Variants in CTNNA3 observed in about 807,000 individuals in gnomAD.
The protein encoded by CTNNA3 is catenin alpha 3.
Under a neutral mutation model 95.7 loss-of-function variants are expected in CTNNA3, and 76 were observed. The observed-to-expected ratio is 0.79, with a 90% CI of 0.66 to 0.96. CTNNA3 has a LOEUF of 0.96. CTNNA3 is among the 40% of genes least tolerant of loss of function. The probability of loss-of-function intolerance (pLI) is 0.00; values close to 1 mark genes in which losing one functional copy is unlikely to be tolerated. For synonymous variants in CTNNA3, 431 were observed against 374.4 expected (o/e 1.15, Z -1.74); for missense variants, 1,191 against 1,089.8 (o/e 1.09, Z -1.31).
At chr10:66,966,668 T>A (rs1849430314) in intron 7 of CTNNA3, among the ~76,000 whole-genome samples, 1 of 152,086 alleles carries the variant, frequency 6.6e-6, no homozygotes, top group African/African-American at 2.4e-5. Flanking sequence ...CAAAATAAGA[T>A]GTTCTTCTAC....
chr10:65,994,775 G>T (rs953490896), intron 15 of CTNNA3, among the ~76,000 whole-genome samples: 1 of 151,970 alleles, frequency 6.6e-6, no homozygotes, highest in Non-Finnish European at 1.5e-5. Context: ...TCAACTTCTG[G>T]ACTATCCAGA....
chr10:66,672,941 T>TA (rs1846716939), intron 9 of CTNNA3, among the ~76,000 whole-genome samples: 1 of 151,976 alleles, frequency 6.6e-6, no homozygotes, highest in African/African-American at 2.4e-5. Context: ...TAATATATAA[T>TA]AAAATTATTT....
chr10:66,085,827 T>A lies in CTNNA3; in HGVS notation c.1978-16338A>T, dbSNP rs1307537221. On this transcript the variant is annotated intron_variant, in intron 14 of 17. Coordinates refer to ENST00000433211, the MANE Select transcript of CTNNA3 (RefSeq NM_013266.4). ...AAAGGAATCTTCCTTCTATATGCAA[T>A]GGAAGTAATTCAATCCCTTTTTATG... Among the ~76,000 whole-genome samples, 3 of 152,190 alleles carry A rather than the reference T, an allele frequency of 2.0e-5. No homozygotes were observed. The East Asian group carries it at 5.8e-4, about 29-fold the overall frequency.
intron 9 of CTNNA3, among the ~76,000 whole-genome samples, chr10:66,624,186 C>A (rs1377506226): frequency 6.6e-6 from 1 of 151,954 alleles, no homozygotes; most frequent in African/African-American, 2.4e-5. Context: ...GGGTTTGAAC[C>A]CAGTTCCTAC....
chr10:66,385,776 G>T (rs538090872), intron 11 of CTNNA3, among the ~76,000 whole-genome samples: 1 of 152,230 alleles, frequency 6.6e-6, no homozygotes, highest in South Asian at 2.1e-4. Context: ...GGGATGCAAG[G>T]CCGGTTCAAC....
At chr10:67,138,015 T>C (rs1218249005) in intron 7 of CTNNA3, among the ~76,000 whole-genome samples, 1 of 152,060 alleles carries the variant, frequency 6.6e-6, no homozygotes, top group African/African-American at 2.4e-5. Flanking sequence ...TATGCCATCC[T>C]CCAGGCATGG....
chr10:66,284,769 T>C (rs536457291), intron 12 of CTNNA3, among the ~76,000 whole-genome samples: 56 of 152,012 alleles, frequency 3.7e-4, no homozygotes, highest in African/African-American at 1.3e-3. Context: ...ACCATTACCT[T>C]TGAAAATTAC....
intron 5 of CTNNA3, among the ~76,000 whole-genome samples, chr10:67,513,864 G>T (rs1277962050): frequency 6.6e-6 from 1 of 152,178 alleles, no homozygotes; most frequent in Non-Finnish European, 1.5e-5. Flanking sequence ...ATACAAACCA[G>T]ATACCAAGGA....
chr10:67,544,173 T>C (rs1840769372), intron 3 of CTNNA3, among the ~76,000 whole-genome samples: 1 of 152,166 alleles, frequency 6.6e-6, no homozygotes, highest in African/African-American at 2.4e-5. Flanking sequence ...TTCCATTTTA[T>C]TATCTTCGAA....
At chr10:67,695,015 C>A (rs1840936824) in intron 1 of CTNNA3, among the ~76,000 whole-genome samples, 1 of 152,102 alleles carries the variant, frequency 6.6e-6, no homozygotes, top group Non-Finnish European at 1.5e-5. Context: ...TTATAATGGA[C>A]AATGAAATTT....
chr10:67,219,539 C>G, intron 6 of CTNNA3, 68 bp downstream of exon 6: 2 of 1,472,050 alleles, frequency 1.4e-6, no homozygotes, highest in Admixed American at 4.6e-5. Flanking sequence ...TGTGGATCTT[C>G]TTCTGTTTTA....
chr10:66,303,027 C>T (rs143217969), intron 12 of CTNNA3, among the ~76,000 whole-genome samples: 4 of 152,196 alleles, frequency 2.6e-5, no homozygotes, highest in Admixed American at 1.3e-4. Context: ...TAATTTCTTA[C>T]TCAAACTAGG....
At chr10:66,945,691 C>T (rs1280929629) in intron 7 of CTNNA3, among the ~76,000 whole-genome samples, 1 of 152,152 alleles carries the variant, frequency 6.6e-6, no homozygotes. Context: ...TTTCAACATG[C>T]CTTCCTCATT....
intron 5 of CTNNA3, among the ~76,000 whole-genome samples, chr10:67,226,277 C>A (rs1332951249): frequency 6.6e-6 from 1 of 152,146 alleles, no homozygotes; most frequent in Non-Finnish European, 1.5e-5. Context: ...AGGGGAGAAT[C>A]CTAAAACCTT....
chr10:67,581,528 G>T (rs1842397075), intron 3 of CTNNA3, among the ~76,000 whole-genome samples: 1 of 152,152 alleles, frequency 6.6e-6, no homozygotes. Flanking sequence ...CTCTTTGTTT[G>T]TTGTGTCTCT....
intron 1 of CTNNA3, among the ~76,000 whole-genome samples, chr10:67,657,588 G>T (rs972420901): frequency 6.6e-6 from 1 of 152,116 alleles, no homozygotes; most frequent in African/African-American, 2.4e-5. Flanking sequence ...GCTCACACCT[G>T]TAATTCCAGC....
intron 5 of CTNNA3, among the ~76,000 whole-genome samples, chr10:67,229,433 C>A (rs984033561): frequency 6.6e-6 from 1 of 152,170 alleles, no homozygotes; most frequent in East Asian, 1.9e-4. Flanking sequence ...ATTCTCACCA[C>A]TCCTCTGCAA....
intron 11 of CTNNA3, among the ~76,000 whole-genome samples, chr10:66,407,486 T>A (rs1043546185): frequency 2.0e-5 from 3 of 152,126 alleles, no homozygotes; most frequent in Non-Finnish European, 4.4e-5. Flanking sequence ...TCCAGATATT[T>A]GAATATTCCT....
chr10:67,343,735 G>A (rs1299113478), intron 5 of CTNNA3, among the ~76,000 whole-genome samples: 1 of 151,572 alleles, frequency 6.6e-6, no homozygotes, highest in African/African-American at 2.4e-5. Flanking sequence ...CCAATTGGAT[G>A]CTCTTTATTT....
Sources: allele counts gnomAD v4.1 joint callset (sites outside exome capture counted in the v4.1 genomes callset), GRCh38; gene constraint gnomAD v4.1.1; transcripts MANE v1.5; gene names NCBI Gene and HGNC (gene_info 2026-07-23, HGNC 2026-07-21).